Variants in SPATA1 observed in about 807,000 individuals in gnomAD.
SPATA1 encodes the protein spermatogenesis associated 1, also known as spermatogenesis-associated protein 1.
SPATA1 carries 57 observed loss-of-function variants against 59.6 expected under a neutral mutation model. The observed-to-expected ratio is 0.96, with a 90% CI of 0.77 to 1.19. SPATA1 has a LOEUF of 1.19. Ranked by LOEUF, SPATA1 falls within the 50% of genes most tolerant of loss-of-function variation. The pLI, the probability that SPATA1 is intolerant of heterozygous loss-of-function variation, is 0.00. For missense variants in SPATA1, 448 were observed against 480.7 expected, an observed-to-expected ratio of 0.93 and a Z score of 0.64; for synonymous variants, 147 against 163.9, an observed-to-expected ratio of 0.90 and a Z score of 0.79.
chr1:84,536,668 T>C (rs992971249), intron 8 of SPATA1, among the ~76,000 whole-genome samples: 1 of 151,906 alleles, frequency 6.6e-6, no homozygotes, highest in African/African-American at 2.4e-5. Flanking sequence ...ATGGTCTTGA[T>C]CTCCTGACCT....
At chr1:84,524,532 A>G (rs949294362) in intron 4 of SPATA1, among the ~76,000 whole-genome samples, 2 of 152,220 alleles carry the variant, frequency 1.3e-5, no homozygotes, top group Non-Finnish European at 2.9e-5. Flanking sequence ...TAAGGGCCTA[A>G]GGAACAAGCT....
chr1:84,557,538 A>G (rs1271482093), downstream of SPATA1, among the ~76,000 whole-genome samples: 9 of 134,460 alleles, frequency 6.7e-5, no homozygotes, highest in Non-Finnish European at 1.4e-4. Context: ...CATCTCAAAA[A>G]AAAAAAAAAA....
intron 4 of SPATA1, 87 bp from the exon 14 acceptor site, chr1:84,565,774 A>T (rs1684687377): frequency 4.4e-6 from 4 of 903,088 alleles, no homozygotes; most frequent in Non-Finnish European, 5.9e-6. Context: ...TACTAAAAAC[A>T]TCTTAATATT....
chr1:84,552,785 T>C (rs1294088946), intron 12 of SPATA1: 2 of 296,084 alleles, frequency 6.8e-6, no homozygotes, highest in Non-Finnish European at 1.2e-5. Context: ...AACAGTTCAA[T>C]TGTATTGTCC....
downstream of SPATA1, chr1:84,555,169 AC>A: frequency 6.2e-7 from 1 of 1,613,832 alleles, no homozygotes; most frequent in Non-Finnish European, 8.5e-7. Context: ...GGGTTATCAT[AC>A]CATACTTGAT....
intron 8 of SPATA1, among the ~76,000 whole-genome samples, chr1:84,534,822 C>A (rs933894486): frequency 3.3e-5 from 5 of 152,070 alleles, no homozygotes; most frequent in African/African-American, 1.2e-4. Flanking sequence ...ACCCATTGGA[C>A]AAAATTCCAA....
exon 13 of SPATA1, chr1:84,554,412 TA>T (rs1205619185): frequency 6.6e-6 from 1 of 152,256 alleles, no homozygotes; most frequent in Non-Finnish European, 1.5e-5. Context: ...GGATTCTTTT[TA>T]ATTCTCACTC....
chr1:84,567,361 T>C (rs1684720817), downstream of SPATA1, among the ~76,000 whole-genome samples: 1 of 152,232 alleles, frequency 6.6e-6, no homozygotes, highest in South Asian at 2.1e-4. Flanking sequence ...TGACTACCTC[T>C]AAGCAAGTAA....
intron 11 of SPATA1, chr1:84,550,119 T>C (rs1684227231): frequency 1.2e-5 from 2 of 167,720 alleles, no homozygotes; most frequent in Non-Finnish European, 1.3e-5. Context: ...TCTAATCTTA[T>C]TCAGCTGATA....
At chr1:84,534,267 G>T (rs1286143158) in intron 8 of SPATA1, among the ~76,000 whole-genome samples, 1 of 152,046 alleles carries the variant, frequency 6.6e-6, no homozygotes, top group Non-Finnish European at 1.5e-5. Context: ...CTCAAGAAAT[G>T]ATGGAAAGAC....
intron 1 of SPATA1, among the ~76,000 whole-genome samples, chr1:84,513,313 T>G (rs1252816676): frequency 6.6e-6 from 1 of 152,198 alleles, no homozygotes; most frequent in Non-Finnish European, 1.5e-5. Context: ...TTTTGTATTT[T>G]TAGTAGAGAT....
chr1:84,538,847 TGG>T (rs1237831575), intron 8 of SPATA1, among the ~76,000 whole-genome samples: 2 of 152,186 alleles, frequency 1.3e-5, no homozygotes, highest in Non-Finnish European at 2.9e-5. Flanking sequence ...TTGCCCAGGC[TGG>T]AATGCAGTGC....
At chr1:84,522,320 G>T in intron 3 of SPATA1, 70 bp from the exon 4 acceptor site, 1 of 843,340 alleles carries the variant, frequency 1.2e-6, no homozygotes, top group Non-Finnish European at 1.7e-6. Flanking sequence ...GCTGACTAAA[G>T]TTATTGAATC....
chr1:84,548,250 A>T (rs1459044347), intron 10 of SPATA1, among the ~76,000 whole-genome samples: 1 of 152,026 alleles, frequency 6.6e-6, no homozygotes, highest in Non-Finnish European at 1.5e-5. Context: ...GTATACTGGC[A>T]TATAGTTTGT....
At chr1:84,512,218 C>T (rs1682597002) in intron 1 of SPATA1, among the ~76,000 whole-genome samples, 1 of 152,018 alleles carries the variant, frequency 6.6e-6, no homozygotes, top group Non-Finnish European at 1.5e-5. Flanking sequence ...TTTTTTATTC[C>T]AGAATGTAAA....
downstream of SPATA1, among the ~76,000 whole-genome samples, chr1:84,557,394 G>A (rs563613999): frequency 1.5e-4 from 23 of 152,016 alleles, 2 homozygotes; most frequent in South Asian, 4.8e-3. Flanking sequence ...TTAGCTGGGT[G>A]TGGTGATGCA....
At chr1:84,552,416 A>AATTTGAAT (rs1684302077) in intron 12 of SPATA1, 1 of 152,170 alleles carries the variant, frequency 6.6e-6, no homozygotes, top group Non-Finnish European at 1.5e-5. Flanking sequence ...GGGCTCTGGT[A>AATTTGAAT]CCAGGTGGTT....
chr1:84,564,452 A>G (rs1484198035), intron 4 of SPATA1, among the ~76,000 whole-genome samples: 1 of 152,192 alleles, frequency 6.6e-6, no homozygotes, highest in African/African-American at 2.4e-5. Context: ...ATTACTTTTT[A>G]GAGCCTTTAA....
At chr1:84,515,013 T>A (rs1164931043) in intron 1 of SPATA1, among the ~76,000 whole-genome samples, 1 of 152,122 alleles carries the variant, frequency 6.6e-6, no homozygotes, top group Non-Finnish European at 1.5e-5. Flanking sequence ...AATATCACAT[T>A]TTAATATGTA....
Sources: allele counts gnomAD v4.1 joint callset (sites outside exome capture counted in the v4.1 genomes callset), GRCh38; gene constraint gnomAD v4.1.1; transcripts MANE v1.5; gene names NCBI Gene and HGNC (gene_info 2026-07-23, HGNC 2026-07-21).